Variants in LRP6 observed in about 807,000 individuals in gnomAD.
The protein encoded by LRP6 is low-density lipoprotein receptor-related protein 6.
In LRP6, 43 loss-of-function variants were observed where a neutral mutation model predicts 184.1. The ratio of observed to expected loss-of-function variants is 0.23; its 90% CI spans 0.18 to 0.30. The LOEUF (loss-of-function observed/expected upper bound fraction) is 0.30, where lower values mean the gene tolerates loss of function less well. Ranked by LOEUF, LRP6 falls within the 10% of genes least tolerant of loss-of-function variation. LRP6 has a pLI of 1.00. For synonymous variants in LRP6, 719 were observed against 684.9 expected (o/e 1.05, Z -0.78); for missense variants, 1,571 against 2,005.3 (o/e 0.78, Z 4.14).
intron 7 of LRP6, among the ~76,000 whole-genome samples, chr12:12,174,889 G>A (rs1443576390): frequency 6.6e-6 from 1 of 152,170 alleles, no homozygotes; most frequent in Non-Finnish European, 1.5e-5. Flanking sequence ...AGGTGTGCCA[G>A]GTAAAATTAG....
At chr12:12,183,414 C>T (rs1863392084) in intron 5 of LRP6, among the ~76,000 whole-genome samples, 1 of 152,178 alleles carries the variant, frequency 6.6e-6, no homozygotes, top group African/African-American at 2.4e-5. Context: ...CCAACGTGCC[C>T]TCTCTCTATA....
At chr12:12,233,233 C>T (rs1864837871) in intron 2 of LRP6, among the ~76,000 whole-genome samples, 1 of 152,028 alleles carries the variant, frequency 6.6e-6, no homozygotes, top group Non-Finnish European at 1.5e-5. Context: ...TTTGGGAAGC[C>T]AAGGTGGGTG....
intron 7 of LRP6, among the ~76,000 whole-genome samples, chr12:12,166,651 C>T (rs1408649271): frequency 6.6e-6 from 1 of 152,004 alleles, no homozygotes; most frequent in Non-Finnish European, 1.5e-5. Context: ...AACTAGATGC[C>T]CAATATTAAA....
chr12:12,150,502 T>C (rs1335900065), intron 13 of LRP6, among the ~76,000 whole-genome samples: 2 of 152,132 alleles, frequency 1.3e-5, no homozygotes, highest in Non-Finnish European at 2.9e-5. Context: ...AGAGCTGGAA[T>C]CAGAACCAAG....
At chr12:12,234,387 T>A (rs1591973372) in intron 2 of LRP6, among the ~76,000 whole-genome samples, 1 of 151,112 alleles carries the variant, frequency 6.6e-6, no homozygotes, top group Non-Finnish European at 1.5e-5. Context: ...AAGGCGGAGG[T>A]TGCAGTGAGC....
chr12:12,171,055 T>A (rs890802720), intron 7 of LRP6, among the ~76,000 whole-genome samples: 2 of 152,186 alleles, frequency 1.3e-5, no homozygotes, highest in African/African-American at 4.8e-5. Flanking sequence ...GCAGTCTAGA[T>A]CAGCCATGTA....
rs918060757 is a variant in LRP6, at chr12:12,251,351, T to C, written c.56-6696A>G. Among the ~76,000 whole-genome samples the C allele has an allele frequency of 2.2e-4, 33 of 151,944 alleles. 2 individuals carry two copies. Among genetic ancestry groups the C allele is most frequent in the East Asian group, 7.8e-4 (4 of 5,134 alleles). ...GTTAAAATGACGGATTTTCTTCAGTTATTAGTTTGTCTTTTTGATTTTTGT... is the reference window on the plus strand; with the variant it reads ...GTTAAAATGACGGATTTTCTTCAGTCATTAGTTTGTCTTTTTGATTTTTGT... On this transcript the variant is annotated intron_variant, in intron 1 of 22. Coordinates refer to ENST00000261349, the MANE Select transcript of LRP6 (RefSeq NM_002336.3).
At chr12:12,151,103 T>C in intron 12 of LRP6, 65 bp from the exon 13 acceptor site, 1 of 1,297,112 alleles carries the variant, frequency 7.7e-7, no homozygotes, top group Non-Finnish European at 1.1e-6. Context: ...ATCCAATGAT[T>C]TGATCAGCCT....
chr12:12,158,856 G>C lies in LRP6; in HGVS notation c.2764C>G (p.Leu922Val), dbSNP rs1320069813. Residue 922 changes from leucine (L) to valine (V), a missense_variant, in exon 12 of 23, where the codon CTT becomes GTT. Coordinates refer to ENST00000261349, the MANE Select transcript of LRP6 (RefSeq NM_002336.3). Reference sequence around the variant, plus strand: ...CTACAAGTCCTGTTGTCAGCATTAAGAGAGTAGTGGGCAGGGCATCCACAA... The same window carrying C: ...CTACAAGTCCTGTTGTCAGCATTAACAGAGTAGTGGGCAGGGCATCCACAA... ...FVCGCPAHYS[L>V]NADNRTCSAP... 1.9e-6 allele frequency: 3 copies of C among 1,614,208 alleles called. No individual in the cohort carries two copies. Among genetic ancestry groups the C allele is most frequent in the Non-Finnish European group, 2.5e-6 (3 of 1,180,040 alleles).
chr12:12,230,248 G>A (rs979241737), intron 2 of LRP6, among the ~76,000 whole-genome samples: 12 of 152,124 alleles, frequency 7.9e-5, no homozygotes, highest in African/African-American at 2.9e-4. Context: ...AGACACACAA[G>A]CCATTTTATA....
chr12:12,178,233 C>T (rs1482409037), intron 7 of LRP6, among the ~76,000 whole-genome samples: 1 of 151,882 alleles, frequency 6.6e-6, no homozygotes, highest in Non-Finnish European at 1.5e-5. Flanking sequence ...TATCTGAATC[C>T]CTTCTGAACT....
rs188770086 is a variant in LRP6, at chr12:12,179,468, T to C, written c.1545+342A>G. Among the ~76,000 whole-genome samples the C allele has an allele frequency of 1.5e-4, 23 of 152,270 alleles. 1 individual carries two copies. The highest frequency in any genetic ancestry group is 6.2e-4 in the South Asian group (3 of 4,834). On this transcript the variant is annotated intron_variant, in intron 7 of 22. Transcript: ENST00000261349. ...TTTCCTAACTTAGGACAGCCAGTTC[T>C]TCCAGTATAGATCTTACATAATTTT... is the stretch of plus-strand genomic sequence containing the variant.
In LRP6 at chr12:12,164,552, G is replaced by A; in HGVS notation, c.1773C>T (p.Pro591=). Residue 591 remains proline, a synonymous_variant, in exon 9 of 23, where the codon CCC becomes CCT. Coordinates refer to ENST00000261349, the MANE Select transcript of LRP6 (RefSeq NM_002336.3). ...TNVHRVIGSN[P]CAEENGGCSH... Reference sequence around the variant, plus strand: ...TACATCCCCCGTTTTCCTCAGCACAGGGGTTGGAACCTAAAAGATTAATTA... The same window carrying A: ...TACATCCCCCGTTTTCCTCAGCACAAGGGTTGGAACCTAAAAGATTAATTA... The A allele has an allele frequency of 1.2e-6, 2 of 1,614,112 alleles. No homozygotes were observed. The highest frequency in any genetic ancestry group is 1.7e-6 in the Non-Finnish European group (2 of 1,180,012).
At chr12:12,174,078 T>A (rs1271303439) in intron 7 of LRP6, among the ~76,000 whole-genome samples, 1 of 152,164 alleles carries the variant, frequency 6.6e-6, no homozygotes, top group African/African-American at 2.4e-5. Context: ...TTAAATTAGT[T>A]ATTTTGAATA....
At chr12:12,264,511 A>G (rs918080105) in intron 1 of LRP6, among the ~76,000 whole-genome samples, 1 of 152,172 alleles carries the variant, frequency 6.6e-6, no homozygotes, top group Admixed American at 6.6e-5. Flanking sequence ...TCTGCTACTA[A>G]TTCAACAGGG....
At chr12:12,212,637 T>C (rs765001759) in intron 2 of LRP6, among the ~76,000 whole-genome samples, 3 of 152,206 alleles carry the variant, frequency 2.0e-5, no homozygotes, top group Non-Finnish European at 2.9e-5. Context: ...TCAGTCTCTT[T>C]ATATATTTTG....
intron 19 of LRP6, among the ~76,000 whole-genome samples, chr12:12,128,923 C>T (rs1949710221): frequency 6.6e-6 from 1 of 152,180 alleles, no homozygotes; most frequent in Non-Finnish European, 1.5e-5. Flanking sequence ...CTGCCACCCC[C>T]ACTCCTCCTC....
At chr12:12,262,191 C>G (rs1361675834) in intron 1 of LRP6, among the ~76,000 whole-genome samples, 1 of 151,984 alleles carries the variant, frequency 6.6e-6, no homozygotes, top group Non-Finnish European at 1.5e-5. Context: ...TCATCCTGAC[C>G]AATATGGTGA....
chr12:12,188,427 G>A (rs987693142), intron 3 of LRP6, among the ~76,000 whole-genome samples: 3 of 152,072 alleles, frequency 2.0e-5, no homozygotes, highest in Admixed American at 1.3e-4. Flanking sequence ...AGCTACTGAA[G>A]AGAAATTAAA....
Sources: gnomAD v4.1 joint callset for allele counts (sites outside exome capture counted in the v4.1 genomes callset) on GRCh38, gnomAD v4.1.1 for gene constraint, MANE v1.5 for transcripts, NCBI Gene and HGNC (gene_info 2026-07-23, HGNC 2026-07-21) for gene names.